The following ARID5B variants were observed in gnomAD, a reference collection of about 807,000 sequenced individuals.
ARID5B encodes the protein AT-rich interaction domain 5B, also known as AT-rich interactive domain-containing protein 5B.
ARID5B carries 13 observed loss-of-function variants against 97.2 expected under a neutral mutation model. That is an observed-to-expected ratio of 0.13 (90% CI 0.09 to 0.21). The LOEUF is 0.21. Among genes scored for constraint, ARID5B ranks in the 10% least tolerant of loss-of-function variants. The pLI is 1.00. For synonymous variants in ARID5B, 556 were observed against 570.3 expected (o/e 0.97, Z 0.36); for missense variants, 1,210 against 1,465.3 (o/e 0.83, Z 2.84).
At chr10:61,969,354 GATAGTAGCCTTCTGCAT>G (rs1362606923) in intron 3 of ARID5B, among the ~76,000 whole-genome samples, 1 of 151,946 alleles carries the variant, frequency 6.6e-6, no homozygotes, top group African/African-American at 2.4e-5. Flanking sequence ...GGTCAAACAG[GATAGTAGCCTTCTGCAT>G]ATGGAAAAGG....
At chr10:62,078,308 G>A (rs1008198798) in intron 8 of ARID5B, among the ~76,000 whole-genome samples, 2 of 152,128 alleles carry the variant, frequency 1.3e-5, no homozygotes, top group Non-Finnish European at 2.9e-5. Context: ...GGGCAACATG[G>A]TGATACCCTA....
intron 3 of ARID5B, among the ~76,000 whole-genome samples, chr10:61,989,250 CAT>C (rs1181506689): frequency 6.6e-6 from 1 of 152,134 alleles, no homozygotes; most frequent in African/African-American, 2.4e-5. Flanking sequence ...CTATTGATCA[CAT>C]GTTAAAATAA....
intron 2 of ARID5B, among the ~76,000 whole-genome samples, chr10:61,916,103 G>A (rs749558826): frequency 2.6e-5 from 4 of 152,186 alleles, no homozygotes; most frequent in African/African-American, 7.2e-5. Flanking sequence ...ACCCAGGCTG[G>A]AGTGCAAAGG....
At chr10:61,999,968 C>A in intron 3 of ARID5B, 123 bp from the exon 4 acceptor site, 1 of 965,684 alleles carries the variant, frequency 1.0e-6, no homozygotes, top group Non-Finnish European at 1.6e-6. Context: ...ATCCCCCAGA[C>A]TGTAACAAGG....
At chr10:61,967,398 T>C (rs1202537694) in intron 3 of ARID5B, among the ~76,000 whole-genome samples, 4 of 152,252 alleles carry the variant, frequency 2.6e-5, no homozygotes, top group African/African-American at 9.6e-5. Context: ...AATTGATCCA[T>C]TGGCCGTTAG....
rs1450532825 is a variant in ARID5B, at chr10:62,000,793, C to T, written c.733+472C>T. ...ACTGTATGGTGGATAAATAGATAAC[C>T]ACTTTAGTACTGTACAGTAGATAGA... On this transcript the variant is annotated intron_variant, in intron 4 of 9. Coordinates refer to ENST00000279873, the MANE Select transcript of ARID5B (RefSeq NM_032199.3). This position sits in a 1 kb window ranked among gnomAD's most constrained non-coding sequence, Gnocchi z 4.4. Among the ~76,000 whole-genome samples, 2 of 151,642 alleles carry T rather than the reference C, an allele frequency of 1.3e-5. No individual in the cohort carries two copies. The highest frequency in any genetic ancestry group is 6.6e-5 in the Admixed American group (1 of 15,232).
intron 2 of ARID5B, among the ~76,000 whole-genome samples, chr10:61,908,544 A>T (rs1162882736): frequency 1.3e-5 from 2 of 152,188 alleles, no homozygotes; most frequent in Non-Finnish European, 2.9e-5. Flanking sequence ...ATAGTGGCTC[A>T]CGCCTGTAAT....
At chr10:61,962,054 G>T (rs188793404) in intron 3 of ARID5B, among the ~76,000 whole-genome samples, 1 of 152,080 alleles carries the variant, frequency 6.6e-6, no homozygotes, top group South Asian at 2.1e-4. Context: ...CGGCCTTCTC[G>T]GCAATTTCTG....
chr10:61,945,058 G>C (rs1003827362), intron 3 of ARID5B, among the ~76,000 whole-genome samples: 6 of 152,158 alleles, frequency 3.9e-5, no homozygotes, highest in African/African-American at 1.4e-4. Context: ...GGAGTCAACA[G>C]CATGGTGGGG....
chr10:61,923,720 T>G (rs1362491096), intron 2 of ARID5B, among the ~76,000 whole-genome samples: 1 of 152,184 alleles, frequency 6.6e-6, no homozygotes, highest in African/African-American at 2.4e-5. Context: ...GTGAACTCTC[T>G]GACAAAGGAC....
chr10:61,983,060 C>A (rs1175058269), intron 3 of ARID5B, among the ~76,000 whole-genome samples: 1 of 152,110 alleles, frequency 6.6e-6, no homozygotes, highest in Non-Finnish European at 1.5e-5. Context: ...CCTTCAGAGG[C>A]TGCTTGTGTG....
intron 3 of ARID5B, among the ~76,000 whole-genome samples, chr10:61,940,825 A>G (rs1012529846): frequency 2.0e-5 from 3 of 149,012 alleles, no homozygotes; most frequent in South Asian, 4.3e-4. Context: ...GAGTTCCTCA[A>G]TGTGGAGCAA....
At chr10:62,052,997 G>GCC (rs1426409162) in intron 5 of ARID5B, among the ~76,000 whole-genome samples, 3 of 152,220 alleles carry the variant, frequency 2.0e-5, no homozygotes, top group Non-Finnish European at 2.9e-5. Context: ...CAGTAGGTAT[G>GCC]AAGTGTGACG....
chr10:62,071,610 A>AGTGT (rs146298913), intron 8 of ARID5B, among the ~76,000 whole-genome samples: 7,002 of 149,130 alleles, frequency 0.047, 214 homozygotes, highest in Non-Finnish European at 0.073. Flanking sequence ...AACCCATAGT[A>AGTGT]GTGTGTGTGT....
At chr10:61,996,543 G>A (rs1018219164) in intron 3 of ARID5B, among the ~76,000 whole-genome samples, 2 of 152,008 alleles carry the variant, frequency 1.3e-5, no homozygotes, top group African/African-American at 4.8e-5. Context: ...AAAAAGGATT[G>A]GGTGGTTATA....
rs1204992262 is a variant in ARID5B, at chr10:62,096,215, A to T, written c.*3185A>T. 5 of 233,542 alleles carry T rather than the reference A, an allele frequency of 2.1e-5. No individual in the cohort carries two copies. Among genetic ancestry groups the T allele is most frequent in the Non-Finnish European group, 4.2e-5 (5 of 118,042 alleles). 14.5% of individuals were successfully genotyped at this position (233,542 alleles called of 1,614,324 possible). Reference sequence around the variant, plus strand: ...TGTTAAAACTCGATGTTAACTTTACAACTTTCTGACCTGGTGCATGAATTC... The same window carrying T: ...TGTTAAAACTCGATGTTAACTTTACTACTTTCTGACCTGGTGCATGAATTC... On this transcript the variant is annotated 3_prime_UTR_variant, in exon 10 of 10. Coordinates refer to ENST00000279873, the MANE Select transcript of ARID5B (RefSeq NM_032199.3).
chr10:62,042,007 C>T (rs1839644151), intron 4 of ARID5B, among the ~76,000 whole-genome samples: 1 of 152,192 alleles, frequency 6.6e-6, no homozygotes, highest in Non-Finnish European at 1.5e-5. Flanking sequence ...AAAAAATTAA[C>T]TCTCTTTGTT....
chr10:61,970,235 C>A (rs970860650), intron 3 of ARID5B, among the ~76,000 whole-genome samples: 2 of 152,162 alleles, frequency 1.3e-5, no homozygotes, highest in South Asian at 2.1e-4. Context: ...AACAAGAATG[C>A]GAACAGAAAC....
chr10:62,083,320 A>C (rs1289408267), intron 8 of ARID5B, among the ~76,000 whole-genome samples: 1 of 151,468 alleles, frequency 6.6e-6, no homozygotes, highest in Non-Finnish European at 1.5e-5. Context: ...AATGAAAAAA[A>C]AAAAAAAGGA....
Sources: allele counts gnomAD v4.1 joint callset (sites outside exome capture counted in the v4.1 genomes callset), GRCh38; gene constraint gnomAD v4.1.1; non-coding constraint Gnocchi (gnomAD v3.1); transcripts MANE v1.5; gene names NCBI Gene and HGNC (gene_info 2026-07-23, HGNC 2026-07-21).